The following XKR5 variants were observed in gnomAD, a reference collection of about 807,000 sequenced individuals.
XKR5 encodes the protein XK-related protein 5.
XKR5 carries 46 observed loss-of-function variants against 40.8 expected under a neutral mutation model. That is an observed-to-expected ratio of 1.13 (90% CI 0.89 to 1.44). The LOEUF is 1.44. XKR5 is among the 40% of genes most tolerant of loss of function. XKR5 has a pLI of 0.00. For synonymous variants in XKR5, 466 were observed against 356.1 expected, an observed-to-expected ratio of 1.31 and a Z score of -3.48; for missense variants, 1,169 against 844.7, an observed-to-expected ratio of 1.38 and a Z score of -4.76.
At chr8:6,824,823 A>G (rs1804387472) in intron 3 of XKR5, among the ~76,000 whole-genome samples, 1 of 152,180 alleles carries the variant, frequency 6.6e-6, no homozygotes, top group Non-Finnish European at 1.5e-5. Flanking sequence ...TGCCCGGCCA[A>G]GAATTATTCT....
intron 6 of XKR5, among the ~76,000 whole-genome samples, chr8:6,815,336 T>A (rs1447516727): frequency 1.3e-5 from 2 of 152,174 alleles, no homozygotes; most frequent in Non-Finnish European, 2.9e-5. Context: ...TGGGCTTGAA[T>A]CTCAGCTCTA....
chr8:6,818,368 T>A (rs1804063340), intron 5 of XKR5, among the ~76,000 whole-genome samples: 1 of 152,236 alleles, frequency 6.6e-6, no homozygotes, highest in African/African-American at 2.4e-5. Flanking sequence ...TGTAGGGTTT[T>A]GATAGCGTCA....
At chr8:6,817,633 T>G (rs1326283230) in intron 5 of XKR5, among the ~76,000 whole-genome samples, 1 of 152,230 alleles carries the variant, frequency 6.6e-6, no homozygotes, top group Non-Finnish European at 1.5e-5. Flanking sequence ...GAGAAGGTAC[T>G]GTTTGTTCCA....
chr8:6,830,941 G>A (rs776164930), intron 2 of XKR5, among the ~76,000 whole-genome samples: 2 of 152,196 alleles, frequency 1.3e-5, no homozygotes, highest in Non-Finnish European at 2.9e-5. Context: ...TCTGAGGAAG[G>A]CAGTGGATTC....
At chr8:6,831,624 A>G (rs1804767186) in intron 2 of XKR5, among the ~76,000 whole-genome samples, 1 of 151,882 alleles carries the variant, frequency 6.6e-6, no homozygotes, top group Non-Finnish European at 1.5e-5. Context: ...ATTGGCCACG[A>G]CCCCTTGAAC....
chr8:6,832,483 T>C (rs939181300), intron 2 of XKR5, among the ~76,000 whole-genome samples: 1 of 152,140 alleles, frequency 6.6e-6, no homozygotes, highest in African/African-American at 2.4e-5. Flanking sequence ...AAAAAGCCTT[T>C]CGTAAGGTCA....
At chr8:6,834,638 G>C (rs950533284) in intron 1 of XKR5, among the ~76,000 whole-genome samples, 1 of 152,042 alleles carries the variant, frequency 6.6e-6, no homozygotes, top group Non-Finnish European at 1.5e-5. Context: ...CGAACTCAGG[G>C]AAAAGTCCCA....
In XKR5 at chr8:6,825,218, AGGTG is replaced by A. The variant is rs777620801; in HGVS notation, c.370_373del (p.His124CysfsTer9). The A allele has an allele frequency of 1.2e-6, 2 of 1,613,242 alleles. No homozygotes were observed. Among genetic ancestry groups the A allele is most frequent in the Admixed American group, 3.3e-5 (2 of 59,908 alleles). ...TAGAAAAACATATGTCTGAAGCAGCAGGTGGGGCCCAGTCTGCAGCAGGGCCTCC... is the reference window on the plus strand; with the variant it reads ...TAGAAAAACATATGTCTGAAGCAGCAGGGCCCAGTCTGCAGCAGGGCCTCC... On this transcript the variant is annotated frameshift_variant, in exon 3 of 7. Transcript: ENST00000618742. LOFTEE classifies it high-confidence loss of function.
Position 6,823,737 on chromosome 8 carries a change from G to A in XKR5, c.428-7C>T. ...GAAAACAGGGTGCTCACCCCTGAAAGGGAAGCAGAAAGATGTGGTATGCTC... is the reference window on the plus strand; with the variant it reads ...GAAAACAGGGTGCTCACCCCTGAAAAGGAAGCAGAAAGATGTGGTATGCTC... On this transcript the variant is annotated splice_polypyrimidine_tract_variant and splice_region_variant and intron_variant, in intron 3 of 6. Transcript: ENST00000618742. The A allele has an allele frequency of 6.4e-7, 1 of 1,561,414 alleles. No individual in the cohort carries two copies. The highest frequency in any genetic ancestry group is 1.2e-5 in the South Asian group (1 of 84,728).
At chr8:6,833,015 A>G in intron 1 of XKR5, 115 bp from the exon 2 acceptor site, 2 of 996,634 alleles carry the variant, frequency 2.0e-6, no homozygotes, top group Non-Finnish European at 1.4e-6. Flanking sequence ...ACCTCTTAAA[A>G]TCTTTCTGGC....
chr8:6,832,917 A>C lies in XKR5; in HGVS notation c.59-17T>G. On this transcript the variant is annotated splice_polypyrimidine_tract_variant and intron_variant, in intron 1 of 6. Transcript: ENST00000618742. ...TGTAAAGGCCTGGGTGAGAAGGGGAAAGGCAAGCAGGTTGTTGGAAGGCTG... is the reference window on the plus strand; with the variant it reads ...TGTAAAGGCCTGGGTGAGAAGGGGACAGGCAAGCAGGTTGTTGGAAGGCTG... 1 of 1,543,594 alleles carries C rather than the reference A, an allele frequency of 6.5e-7. No homozygotes were observed. Among genetic ancestry groups the C allele is most frequent in the Non-Finnish European group, 8.7e-7 (1 of 1,149,608 alleles).
intron 6 of XKR5, among the ~76,000 whole-genome samples, chr8:6,815,372 G>C (rs1034094831): frequency 6.6e-6 from 1 of 152,066 alleles, no homozygotes; most frequent in Non-Finnish European, 1.5e-5. Flanking sequence ...TGGATCTTTC[G>C]GGGACTCAAC....
At chr8:6,817,343 G>A (rs1038298117) in intron 5 of XKR5, among the ~76,000 whole-genome samples, 1 of 152,066 alleles carries the variant, frequency 6.6e-6, no homozygotes, top group African/African-American at 2.4e-5. Context: ...TTTCCTTTCT[G>A]GGGTCATCTT....
At chr8:6,812,440 T>C (rs1457352720) in intron 6 of XKR5, 101 bp from the exon 7 acceptor site, 3 of 1,261,074 alleles carry the variant, frequency 2.4e-6, no homozygotes, top group African/African-American at 3.0e-5. Context: ...TAGAGGAAGA[T>C]AATTTGGGAT....
At chr8:6,813,620 G>A (rs903679687) in intron 6 of XKR5, among the ~76,000 whole-genome samples, 1 of 152,202 alleles carries the variant, frequency 6.6e-6, no homozygotes, top group Non-Finnish European at 1.5e-5. Flanking sequence ...GGTCGGCTGG[G>A]AGTCAGGGGT....
Position 6,825,297 on chromosome 8 carries a change from G to A in XKR5, c.295C>T (p.Arg99Ter), listed in dbSNP as rs550304759. Residue 99 changes from arginine to a stop codon, truncating the protein, a stop_gained, in exon 3 of 7, where the codon CGA (arginine) becomes TGA (stop). Coordinates refer to ENST00000618742, the MANE Select transcript of XKR5 (RefSeq NM_207411.5). LOFTEE classifies it high-confidence loss of function. ...GCCTCCTGCAGCTGCAGCCAGCCTC[G>A]GTGGGGAGCCTCCAGTTCCTTCTGC... Reference protein sequence around the residue: ...SLQKELEAPHRGWLQLQEADL... With the variant: ...SLQKELEAPH 88 of 1,608,628 alleles carry A rather than the reference G, an allele frequency of 5.5e-5. No individual in the cohort carries two copies. Among genetic ancestry groups the A allele is most frequent in the Non-Finnish European group, 6.5e-5 (77 of 1,177,990 alleles).
At chr8:6,816,876 A>C (rs1803984883) in intron 5 of XKR5, among the ~76,000 whole-genome samples, 1 of 151,984 alleles carries the variant, frequency 6.6e-6, no homozygotes, top group Non-Finnish European at 1.5e-5. Context: ...CACTCTCAAA[A>C]ATTCAAATAA....
At chr8:6,825,400 C>T in intron 2 of XKR5, 51 bp from the exon 3 acceptor site, 1 of 1,457,424 alleles carries the variant, frequency 6.9e-7, no homozygotes, top group Non-Finnish European at 9.1e-7. Context: ...TGGCGAGATT[C>T]AATAGGACGA....
chr8:6,833,232 A>G (rs1052934397), intron 1 of XKR5, among the ~76,000 whole-genome samples: 1 of 152,180 alleles, frequency 6.6e-6, no homozygotes, highest in Admixed American at 6.5e-5. Flanking sequence ...TATACCCCAA[A>G]GCCACAGAAA....
Sources: gnomAD v4.1 joint callset for allele counts (sites outside exome capture counted in the v4.1 genomes callset) on GRCh38, gnomAD v4.1.1 for gene constraint, MANE v1.5 for transcripts, NCBI Gene and HGNC (gene_info 2026-07-23, HGNC 2026-07-21) for gene names.